The following LPIN2 variants were observed in gnomAD, a reference collection of about 807,000 sequenced individuals.
The protein encoded by LPIN2 is lipin 2, also known as phosphatidate phosphatase LPIN2.
LPIN2 carries 55 observed loss-of-function variants against 111.4 expected under a neutral mutation model. The ratio of observed to expected loss-of-function variants is 0.49; its 90% confidence interval spans 0.40 to 0.62. LPIN2 has a LOEUF of 0.62. Ranked by LOEUF, LPIN2 falls within the 20% of genes least tolerant of loss-of-function variation. LPIN2 has a pLI of 0.00. For missense variants in LPIN2, 992 were observed against 1,112.1 expected, an observed-to-expected ratio of 0.89 and a Z score of 1.54; for synonymous variants, 425 against 414.0, an observed-to-expected ratio of 1.03 and a Z score of -0.32.
chr18:2,946,575 G>T, intron 4 of LPIN2: 1 of 1,095,604 alleles, frequency 9.1e-7, no homozygotes, highest in Non-Finnish European at 1.4e-6. Context: ...CAAACACCGG[G>T]AACAGCAAGA....
At chr18:2,958,171 A>C (rs1246830885) in intron 2 of LPIN2, among the ~76,000 whole-genome samples, 2 of 146,284 alleles carry the variant, frequency 1.4e-5, no homozygotes, top group East Asian at 2.0e-4. Context: ...CAAAAAAAAA[A>C]AACAGAAAAA....
intron 1 of LPIN2, among the ~76,000 whole-genome samples, chr18:2,996,728 C>A (rs997481393): frequency 6.6e-6 from 1 of 152,004 alleles, no homozygotes; most frequent in Admixed American, 6.5e-5. Context: ...CCACCCACCT[C>A]GGCCTTCCAA....
chr18:2,937,571 A>AAGG, intron 7 of LPIN2, 121 bp downstream of exon 7: 1 of 591,232 alleles, frequency 1.7e-6, no homozygotes, highest in Non-Finnish European at 2.8e-6. Context: ...AAAAAAAAAA[A>AAGG]GTGCGACGGG....
chr18:2,929,205 C>T (rs749528055), intron 9 of LPIN2, 47 bp from the exon 10 acceptor site: 12 of 1,157,616 alleles, frequency 1.0e-5, no homozygotes, highest in Admixed American at 3.4e-5. Flanking sequence ...TACATAAATC[C>T]CTATATGAGA....
intron 1 of LPIN2, among the ~76,000 whole-genome samples, chr18:2,966,747 T>A (rs2077809223): frequency 1.3e-5 from 2 of 152,202 alleles, no homozygotes; most frequent in Admixed American, 6.5e-5. Flanking sequence ...CCAAGTCTCC[T>A]CACACCACTA....
chr18:2,957,496 G>C (rs1368807370), intron 2 of LPIN2, among the ~76,000 whole-genome samples: 1 of 152,204 alleles, frequency 6.6e-6, no homozygotes, highest in Non-Finnish European at 1.5e-5. Context: ...TACTCAACCT[G>C]TATTTCTGGT....
intron 1 of LPIN2, among the ~76,000 whole-genome samples, chr18:2,974,799 C>T (rs2143320908): frequency 6.6e-6 from 1 of 152,066 alleles, no homozygotes; most frequent in Non-Finnish European, 1.5e-5. Flanking sequence ...GGAGAGCAGC[C>T]TGGGCAATGT....
At chr18:2,930,497 C>T (rs922488908) in intron 9 of LPIN2, among the ~76,000 whole-genome samples, 3 of 152,236 alleles carry the variant, frequency 2.0e-5, no homozygotes, top group Non-Finnish European at 4.4e-5. Context: ...TCTGGCCATG[C>T]AGTCTGCCAC....
At position 2,935,179 on chromosome 18, in the gene LPIN2, TAATA is replaced by T. The variant is rs2077269270; in HGVS notation, c.1169-733_1169-730del. On this transcript the variant is annotated intron_variant, in intron 7 of 19. Coordinates refer to ENST00000677752, the MANE Select transcript of LPIN2 (RefSeq NM_001375808.2). ...CGTAAAACACACTAAGATACTTCCT[TAATA>T]ATTTTATATTGATTACATATTAAAA... Among the ~76,000 whole-genome samples the T allele has an allele frequency of 2.6e-5, 4 of 152,360 alleles. No homozygotes were observed. In the South Asian group the frequency reaches 8.3e-4, roughly 32 times the overall value.
At chr18:2,985,790 T>C (rs149384322) in intron 1 of LPIN2, among the ~76,000 whole-genome samples, 17 of 152,258 alleles carry the variant, frequency 1.1e-4, no homozygotes, top group Admixed American at 1.0e-3. Context: ...TATTTTACCA[T>C]AAAACATGAA....
chr18:2,934,166 A>G (rs2077252265), intron 8 of LPIN2, among the ~76,000 whole-genome samples, 185 bp downstream of exon 8: 1 of 152,218 alleles, frequency 6.6e-6, no homozygotes, highest in East Asian at 1.9e-4. Flanking sequence ...AGTAATTATT[A>G]ATTTCAAGTC....
intron 1 of LPIN2, among the ~76,000 whole-genome samples, chr18:2,975,481 C>T (rs1197591819): frequency 3.3e-5 from 5 of 152,108 alleles, no homozygotes; most frequent in East Asian, 1.9e-4. Context: ...ACTACAGGCG[C>T]GTGCCACCAT....
chr18:3,001,877 A>G (rs1325045352), intron 1 of LPIN2, among the ~76,000 whole-genome samples: 1 of 152,232 alleles, frequency 6.6e-6, no homozygotes, highest in African/African-American at 2.4e-5. Flanking sequence ...TACAGAAATG[A>G]AAACTACTTA....
At chr18:2,954,373 A>G in intron 3 of LPIN2, 131 bp downstream of exon 3, 1 of 701,900 alleles carries the variant, frequency 1.4e-6, no homozygotes, top group Non-Finnish European at 2.6e-6. Flanking sequence ...TCAACATGAA[A>G]CTAAAGCTTG....
Position 2,937,683 on chromosome 18 carries a change from A to C in LPIN2, c.1168+9T>G. The C allele has an allele frequency of 6.2e-7, 1 of 1,612,984 alleles. No individual in the cohort carries two copies. The highest frequency in any genetic ancestry group is 8.5e-7 in the Non-Finnish European group (1 of 1,179,228). ...AGAGTACCTGGAGCCAAATTAAACA[A>C]ACGATTACCTTTCTTCTTTGACGGC... is the stretch of plus-strand genomic sequence containing the variant. On this transcript the variant is annotated intron_variant, in intron 7 of 19. Coordinates refer to ENST00000677752, the MANE Select transcript of LPIN2 (RefSeq NM_001375808.2).
At chr18:2,929,898 A>T (rs2077189032) in intron 9 of LPIN2, among the ~76,000 whole-genome samples, 1 of 152,196 alleles carries the variant, frequency 6.6e-6, no homozygotes, top group Non-Finnish European at 1.5e-5. Context: ...TGACAGAGCA[A>T]GGCTCTGTCT....
intron 8 of LPIN2, among the ~76,000 whole-genome samples, chr18:2,934,059 G>T (rs1028717229): frequency 6.6e-6 from 1 of 152,232 alleles, no homozygotes; most frequent in South Asian, 2.1e-4. Context: ...TGTTGAGTTT[G>T]TATTAACCAC....
rs1487566312 is a variant in LPIN2 at position 2,925,868 on chromosome 18, T to TTA, written c.1794-501_1794-500insTA. 2.0e-5 allele frequency among the ~76,000 whole-genome samples: 3 copies of TTA among 149,892 alleles called. No individual in the cohort carries two copies. Among genetic ancestry groups the TTA allele is most frequent in the African/African-American group, 7.4e-5 (3 of 40,484 alleles). ...GGAACATTTAAAAATTAGCCAGGGG[T>TTA]AGTGACACTTGTCTGTGGTCCTAAC... On this transcript the variant is annotated intron_variant, in intron 13 of 19. Transcript: ENST00000677752. The surrounding 1 kb of genome is among the most constrained non-coding windows in gnomAD (Gnocchi z 4.1).
rs2078328494 is a variant in LPIN2, at chr18:2,995,607, T to G, written c.-10+17480A>C. 2.0e-5 allele frequency among the ~76,000 whole-genome samples: 3 copies of G among 152,228 alleles called. No homozygotes were observed. In the South Asian group the frequency reaches 6.2e-4, roughly 31 times the overall value. On this transcript the variant is annotated intron_variant, in intron 1 of 19. Coordinates refer to ENST00000677752, the MANE Select transcript of LPIN2 (RefSeq NM_001375808.2). Reference sequence around the variant, plus strand: ...GAACTATCTTTAAATTTAATTTAGGTGCCACACAGGATAAAAATGAGTGTC... The same window carrying G: ...GAACTATCTTTAAATTTAATTTAGGGGCCACACAGGATAAAAATGAGTGTC...
Sources: allele counts gnomAD v4.1 joint callset (sites outside exome capture counted in the v4.1 genomes callset), GRCh38; gene constraint gnomAD v4.1.1; non-coding constraint Gnocchi (gnomAD v3.1); transcripts MANE v1.5; gene names NCBI Gene and HGNC (gene_info 2026-07-23, HGNC 2026-07-21).